The following FBXW7 variants were observed in gnomAD, a reference collection of about 807,000 sequenced individuals.
FBXW7 encodes F-box/WD repeat-containing protein 7.
A neutral mutation model predicts 86.3 loss-of-function variants in FBXW7; 11 were observed. The observed-to-expected ratio is 0.13, with a 90% CI of 0.08 to 0.21. FBXW7 has a LOEUF of 0.21. Ranked by LOEUF, FBXW7 falls within the 10% of genes least tolerant of loss-of-function variation. The probability of loss-of-function intolerance (pLI) is 1.00; values close to 1 mark genes in which losing one functional copy is unlikely to be tolerated. For missense variants in FBXW7, 488 were observed against 847.4 expected, an observed-to-expected ratio of 0.58 and a Z score of 5.27; for synonymous variants, 313 against 297.9, an observed-to-expected ratio of 1.05 and a Z score of -0.52.
intron 4 of FBXW7, chr4:152,352,802 A>G (rs1290447537): frequency 2.0e-5 from 32 of 1,578,170 alleles, no homozygotes; most frequent in South Asian, 2.0e-4. Flanking sequence ...ATTGGAGGAG[A>G]CTATGCCCTG....
chr4:152,508,912 A>G (rs868442505), intron 2 of FBXW7, among the ~76,000 whole-genome samples: 5 of 152,204 alleles, frequency 3.3e-5, no homozygotes, highest in African/African-American at 1.2e-4. Flanking sequence ...AACTGGACAA[A>G]TCAGCATCAT....
intron 6 of FBXW7, 86 bp downstream of exon 6, chr4:152,346,844 G>T: frequency 6.4e-7 from 1 of 1,550,518 alleles, no homozygotes; most frequent in Non-Finnish European, 8.8e-7. Context: ...ATGTAACAGT[G>T]TTTCCTTCTT....
At chr4:152,350,161 A>G (rs1731666536) in intron 4 of FBXW7, 37 bp from the exon 5 acceptor site, 1 of 1,291,372 alleles carries the variant, frequency 7.7e-7, no homozygotes, top group South Asian at 1.5e-5. Flanking sequence ...TTTTTTAAAA[A>G]TCGTCTAACT....
In FBXW7 at chr4:152,437,959, G is replaced by A. The variant is rs181387756; in HGVS notation, c.-119-25430C>T. Among the ~76,000 whole-genome samples the A allele has an allele frequency of 2.1e-3, 322 of 152,256 alleles. 1 individual carries two copies. The highest frequency in any genetic ancestry group is 7.5e-3 in the African/African-American group (312 of 41,548). Reference sequence around the variant, plus strand: ...GGAGGCAGAGGTGGGCAGATCACTTGAGGTCAGGAGTTCAAGACCAGCCTG... The same window carrying A: ...GGAGGCAGAGGTGGGCAGATCACTTAAGGTCAGGAGTTCAAGACCAGCCTG... On this transcript the variant is annotated intron_variant, in intron 2 of 13. Transcript: ENST00000281708.
intron 2 of FBXW7, among the ~76,000 whole-genome samples, chr4:152,445,358 T>C (rs925909666): frequency 2.6e-5 from 4 of 152,238 alleles, no homozygotes; most frequent in East Asian, 3.8e-4. Context: ...TCTGAAATGC[T>C]TGGAACCAGA....
intron 2 of FBXW7, among the ~76,000 whole-genome samples, chr4:152,527,673 A>G (rs1749639811): frequency 6.6e-6 from 1 of 151,962 alleles, no homozygotes; most frequent in Non-Finnish European, 1.5e-5. Context: ...TCAGCTACTC[A>G]GGAGGCTAAG....
chr4:152,535,823 GGGCTCC>G lies in FBXW7; in HGVS notation c.-915_-910del. On this transcript the variant is annotated 5_prime_UTR_variant, in exon 1 of 14. Coordinates refer to ENST00000281708, the MANE Select transcript of FBXW7 (RefSeq NM_001349798.2). ...AAGCCGCCGGCTCCGGCTCAGGCTC[GGGCTCC>G]GGCTCTGGCTCCGGCTCCGGCGTGT... The G allele has an allele frequency of 2.5e-6, 1 of 392,488 alleles. No individual in the cohort carries two copies. The highest frequency in any genetic ancestry group is 1.2e-4 in the South Asian group (1 of 8,652). The allele number at this position is 392,488 out of a possible 1,614,324, so 24.3% of individuals were successfully genotyped here. A position where few individuals can be genotyped will look rare whatever the true frequency, so the allele number is the denominator to read the frequency against.
chr4:152,377,704 G>A (rs1006595269), intron 4 of FBXW7, among the ~76,000 whole-genome samples: 1 of 150,106 alleles, frequency 6.7e-6, no homozygotes, highest in Non-Finnish European at 1.5e-5. Context: ...GGAGAAGGTT[G>A]CAGTAAGCTA....
chr4:152,425,013 C>T lies in FBXW7; in HGVS notation c.-119-12484G>A, dbSNP rs181365472. 3.0e-4 allele frequency among the ~76,000 whole-genome samples: 46 copies of T among 152,242 alleles called. 1 individual carries two copies. The highest frequency in any genetic ancestry group is 2.1e-3 in the East Asian group (11 of 5,186). The stretch of plus-strand genomic sequence containing the variant: ...GAGTTGGTAAATCTGAAATAGGACC[C>T]GAGATTCTGCATTTCTAACAAGCTC... On this transcript the variant is annotated intron_variant, in intron 2 of 13. Coordinates refer to ENST00000281708, the MANE Select transcript of FBXW7 (RefSeq NM_001349798.2).
intron 2 of FBXW7, chr4:152,489,421 A>G (rs907129595): frequency 3.9e-5 from 6 of 152,766 alleles, no homozygotes; most frequent in African/African-American, 1.4e-4. Flanking sequence ...AAGAGGACAT[A>G]AATGGTAGGC....
chr4:152,462,751 G>C (rs914782777), intron 2 of FBXW7, among the ~76,000 whole-genome samples: 1 of 152,054 alleles, frequency 6.6e-6, no homozygotes, highest in East Asian at 1.9e-4. Flanking sequence ...GCTGAAAGAT[G>C]GTTCACTCAA....
intron 2 of FBXW7, among the ~76,000 whole-genome samples, chr4:152,473,485 C>A (rs768803614): frequency 6.6e-6 from 1 of 151,852 alleles, no homozygotes; most frequent in Non-Finnish European, 1.5e-5. Flanking sequence ...TGAAGAAAAA[C>A]CTGTATATAT....
At chr4:152,528,455 T>A (rs912949487) in intron 2 of FBXW7, among the ~76,000 whole-genome samples, 3 of 152,202 alleles carry the variant, frequency 2.0e-5, no homozygotes, top group African/African-American at 7.2e-5. Context: ...CATATTTTCT[T>A]CTTATAAGCC....
chr4:152,522,125 C>T (rs979856839), intron 2 of FBXW7, among the ~76,000 whole-genome samples: 4 of 152,072 alleles, frequency 2.6e-5, no homozygotes, highest in Non-Finnish European at 2.9e-5. Context: ...TCCAAGGTTT[C>T]CCCCAATAGA....
intron 2 of FBXW7, among the ~76,000 whole-genome samples, chr4:152,504,147 T>C (rs1239423601): frequency 6.6e-6 from 1 of 152,076 alleles, no homozygotes; most frequent in African/African-American, 2.4e-5. Context: ...CAAGCTTAAC[T>C]TGAAGCACCA....
intron 4 of FBXW7, among the ~76,000 whole-genome samples, chr4:152,386,409 G>A (rs894256577): frequency 2.6e-5 from 4 of 152,046 alleles, no homozygotes; most frequent in African/African-American, 4.8e-5. Context: ...ACAGAGTAAC[G>A]CCTCACATCT....
chr4:152,520,044 T>C (rs1748859673), intron 2 of FBXW7, among the ~76,000 whole-genome samples: 1 of 152,250 alleles, frequency 6.6e-6, no homozygotes, highest in Non-Finnish European at 1.5e-5. Flanking sequence ...ATGGTAATAA[T>C]AATGATCATG....
At chr4:152,417,705 G>C (rs958874538) in intron 2 of FBXW7, among the ~76,000 whole-genome samples, 1 of 152,110 alleles carries the variant, frequency 6.6e-6, no homozygotes, top group Non-Finnish European at 1.5e-5. Flanking sequence ...AGGCTGAAGA[G>C]GAGGGTGCAG....
intron 4 of FBXW7, among the ~76,000 whole-genome samples, chr4:152,378,767 C>A (rs1039512768): frequency 6.6e-5 from 10 of 152,196 alleles, no homozygotes; most frequent in African/African-American, 2.4e-4. Flanking sequence ...CTTTTGGAGG[C>A]TGAGGCGAGC....
Sources: gnomAD v4.1 joint callset for allele counts (sites outside exome capture counted in the v4.1 genomes callset) on GRCh38, gnomAD v4.1.1 for gene constraint, MANE v1.5 for transcripts, NCBI Gene and HGNC (gene_info 2026-07-23, HGNC 2026-07-21) for gene names.